WDR27: variants seen among roughly 807,000 people sequenced by gnomAD.
WDR27 encodes the protein WD repeat domain 27.
In WDR27, 100 loss-of-function variants were observed where a neutral mutation model predicts 114.4. The observed-to-expected ratio is 0.87, with a 90% confidence interval of 0.74 to 1.03. The LOEUF (loss-of-function observed/expected upper bound fraction) is 1.03. WDR27 is among the 50% of genes least tolerant of loss of function. The probability of loss-of-function intolerance (pLI) is 0.00; values close to 1 mark genes in which losing one functional copy is unlikely to be tolerated. For synonymous variants in WDR27, 449 were observed against 423.1 expected (o/e 1.06, Z -0.75); for missense variants, 1,129 against 1,092.9 (o/e 1.03, Z -0.47).
chr6:169,671,099 C>T lies in WDR27; in HGVS notation c.332-406G>A, dbSNP rs1403116463. The T allele has an allele frequency of 1.9e-5, 3 of 156,490 alleles. No homozygotes were observed. In the Admixed American group the frequency reaches 1.9e-4, roughly 10 times the overall value. 9.7% of individuals were successfully genotyped at this position (156,490 alleles called of 1,614,324 possible). On this transcript the variant is annotated intron_variant, in intron 3 of 25. Transcript: ENST00000448612. ...TAGGAGCCTATCCAACCCAGGCCTC[C>T]AGGGACTAAGCAATGACAGGACACC...
intron 12 of WDR27, among the ~76,000 whole-genome samples, chr6:169,658,573 T>G (rs1824984007): frequency 6.6e-6 from 1 of 152,224 alleles, no homozygotes; most frequent in Admixed American, 6.5e-5. Flanking sequence ...TACATTCTAT[T>G]ATGAAATAGT....
intron 2 of WDR27, among the ~76,000 whole-genome samples, chr6:169,685,194 A>G (rs79677242): frequency 1.3e-3 from 192 of 152,206 alleles, no homozygotes; most frequent in African/African-American, 3.4e-3. Context: ...CGTGCTCCAT[A>G]TAATTGGAAG....
At chr6:169,437,187 A>C in the WDR27 span, among the ~76,000 whole-genome samples, 1 of 152,278 alleles carries the variant, frequency 6.6e-6, no homozygotes. Flanking sequence ...AATCATGGAG[A>C]GTTTATGAAG....
At chr6:169,638,430 G>GGTTT in intron 18 of WDR27, 109 bp downstream of exon 18, 1 of 1,404,486 alleles carries the variant, frequency 7.1e-7, no homozygotes, top group Non-Finnish European at 9.5e-7. Flanking sequence ...GCAAACTCTT[G>GGTTT]GCTTACGTCC....
intron 25 of WDR27, among the ~76,000 whole-genome samples, chr6:169,509,135 C>G (rs1792404971): frequency 6.6e-6 from 1 of 152,166 alleles, no homozygotes; most frequent in African/African-American, 2.4e-5. Flanking sequence ...AAAGAGGATA[C>G]AAACAAATGG....
chr6:169,431,034 C>G, the WDR27 span, among the ~76,000 whole-genome samples: 1 of 152,158 alleles, frequency 6.6e-6, no homozygotes, highest in Non-Finnish European at 1.5e-5. Flanking sequence ...CTTGCTGTCA[C>G]CTAAGATCAG....
chr6:169,620,315 A>G (rs1485490616), intron 21 of WDR27, among the ~76,000 whole-genome samples: 1 of 152,204 alleles, frequency 6.6e-6, no homozygotes, highest in Non-Finnish European at 1.5e-5. Context: ...TAAGTAAGAT[A>G]GCTACAAAGA....
chr6:169,439,893 T>TTATTATATTGGTAGTTATATTACCAATAA, the WDR27 span, among the ~76,000 whole-genome samples: 1 of 145,980 alleles, frequency 6.9e-6, no homozygotes, highest in African/African-American at 2.7e-5. Flanking sequence ...ATTACCAATA[T>TTATTATATTGGTAGTTATATTACCAATAA]TATTATATTG....
intron 21 of WDR27, among the ~76,000 whole-genome samples, chr6:169,617,275 T>C (rs1284716352): frequency 2.6e-5 from 4 of 152,198 alleles, no homozygotes; most frequent in East Asian, 3.9e-4. Context: ...CCAGATTTTA[T>C]AGGCAAGCTT....
intron 25 of WDR27, among the ~76,000 whole-genome samples, chr6:169,501,551 G>A (rs1583813764): frequency 2.6e-5 from 4 of 152,346 alleles, no homozygotes; most frequent in Admixed American, 2.6e-4. Flanking sequence ...CTAGCCCGCA[G>A]GAAAAGATGC....
In WDR27 at chr6:169,684,939, A is replaced by G. The variant is rs920734121; in HGVS notation, c.189+3878T>C. 1.3e-5 allele frequency among the ~76,000 whole-genome samples: 2 copies of G among 152,190 alleles called. No individual in the cohort carries two copies. Among genetic ancestry groups the G allele is most frequent in the Non-Finnish European group, 2.9e-5 (2 of 68,024 alleles). Reference sequence around the variant, plus strand: ...GCCAGACCCCAAGTTGGCTGACCCTATGTGTACATGTGTACCCCCAACCTG... The same window carrying G: ...GCCAGACCCCAAGTTGGCTGACCCTGTGTGTACATGTGTACCCCCAACCTG... On this transcript the variant is annotated intron_variant, in intron 2 of 25. Coordinates refer to ENST00000448612, the MANE Select transcript of WDR27 (RefSeq NM_182552.5). This position sits in a 1 kb window ranked among gnomAD's most constrained non-coding sequence, Gnocchi z 4.3.
At chr6:169,690,061 T>A (rs2128301561) in intron 1 of WDR27, among the ~76,000 whole-genome samples, 1 of 151,918 alleles carries the variant, frequency 6.6e-6, no homozygotes, top group Admixed American at 6.5e-5. Context: ...GTCATGTGGA[T>A]TCAAAGGATC....
chr6:169,621,674 A>T (rs973588736), intron 21 of WDR27, among the ~76,000 whole-genome samples: 3 of 151,986 alleles, frequency 2.0e-5, no homozygotes, highest in African/African-American at 7.3e-5. Flanking sequence ...ACGCATATAC[A>T]TACCCACACA....
At position 169,614,646 on chromosome 6, in the gene WDR27, C is replaced by T. The variant is rs562142704; in HGVS notation, c.2224-990G>A. On this transcript the variant is annotated intron_variant, in intron 21 of 25. Coordinates refer to ENST00000448612, the MANE Select transcript of WDR27 (RefSeq NM_182552.5). ...AAAGTTGCAGTGAGCCAAGATCACA[C>T]CACTGCACTCCAGCCTGGGCAACAG... is the stretch of plus-strand genomic sequence containing the variant. Among the ~76,000 whole-genome samples, 81 of 151,564 alleles carry T rather than the reference C, an allele frequency of 5.3e-4. No individual in the cohort carries two copies. In the South Asian group the frequency reaches 8.9e-3, roughly 17 times the overall value.
the WDR27 span, among the ~76,000 whole-genome samples, chr6:169,438,087 T>C: frequency 1.3e-5 from 2 of 152,120 alleles, no homozygotes; most frequent in South Asian, 4.1e-4. Context: ...TGTCCATTGT[T>C]TCCAACTTCT....
At chr6:169,700,375 G>T (rs538779910) in intron 1 of WDR27, among the ~76,000 whole-genome samples, 1 of 152,350 alleles carries the variant, frequency 6.6e-6, no homozygotes, top group East Asian at 1.9e-4. Context: ...CTGGTCACCA[G>T]AAGAGAGACT....
chr6:169,492,482 C>A (rs552073416), intron 25 of WDR27, among the ~76,000 whole-genome samples: 32 of 152,190 alleles, frequency 2.1e-4, no homozygotes, highest in African/African-American at 7.0e-4. Context: ...TTATCAGCAA[C>A]ATTAGACACC....
At chr6:169,562,645 C>T (rs921840810) in intron 25 of WDR27, among the ~76,000 whole-genome samples, 1 of 151,962 alleles carries the variant, frequency 6.6e-6, no homozygotes, top group African/African-American at 2.4e-5. Context: ...GTGCCCCGGG[C>T]ACAGGATAGG....
intron 23 of WDR27, among the ~76,000 whole-genome samples, chr6:169,600,501 C>T (rs746444414): frequency 1.2e-4 from 19 of 152,094 alleles, no homozygotes; most frequent in South Asian, 6.2e-4. Flanking sequence ...AGGCTTCGGA[C>T]GATCAAACTA....
Sources: gnomAD v4.1 joint callset for allele counts (sites outside exome capture counted in the v4.1 genomes callset) on GRCh38, gnomAD v4.1.1 for gene constraint, Gnocchi (gnomAD v3.1) non-coding constraint, MANE v1.5 for transcripts, NCBI Gene and HGNC (gene_info 2026-07-23, HGNC 2026-07-21) for gene names.